Variants in TSC22D1 observed in about 807,000 individuals in gnomAD.
TSC22D1 encodes TSC22 domain family protein 1.
TSC22D1 carries 9 observed loss-of-function variants against 74.2 expected under a neutral mutation model. The ratio of observed to expected loss-of-function variants is 0.12; its 90% CI spans 0.07 to 0.21. TSC22D1 has a LOEUF of 0.21. Among genes scored for constraint, TSC22D1 ranks in the 10% least tolerant of loss-of-function variants. The pLI is 1.00. For missense variants in TSC22D1, 1,427 were observed against 1,304.7 expected (o/e 1.09, Z -1.44); for synonymous variants, 586 against 492.5 (o/e 1.19, Z -2.51).
In TSC22D1 at chr13:44,574,203, G is replaced by A; in HGVS notation, c.1872C>T (p.Pro624=). 1.2e-6 allele frequency: 2 copies of A among 1,614,258 alleles called. No individual in the cohort carries two copies. Among genetic ancestry groups the A allele is most frequent in the Non-Finnish European group, 1.7e-6 (2 of 1,180,050 alleles). The part of the protein sequence containing the change: ...VQTPLPGAPP[P]QQLQYGQQQP... ...GCTGTTGTCCATACTGTAACTGTTG[G>A]GGTGGTGGTGCCCCTGGAAGGGGAG... is the stretch of plus-strand genomic sequence containing the variant. Residue 624 remains proline (P), a synonymous_variant, in exon 1 of 3, where the codon CCC becomes CCT. Transcript: ENST00000458659.
intron 1 of TSC22D1, chr13:44,451,340 A>AG (rs1318231844): frequency 2.0e-5 from 3 of 152,210 alleles, no homozygotes; most frequent in Non-Finnish European, 4.4e-5. Context: ...GCCAAGAGGG[A>AG]GGGACGCGTG....
chr13:44,554,630 C>CAAAAAA (rs59922380), intron 1 of TSC22D1, among the ~76,000 whole-genome samples: 303 of 66,772 alleles, frequency 4.5e-3, no homozygotes, highest in East Asian at 0.012. Flanking sequence ...ATACCAGGAA[C>CAAAAAA]AAAAAAAAAA....
At chr13:44,511,517 G>A (rs186781721) in intron 1 of TSC22D1, among the ~76,000 whole-genome samples, 3 of 151,876 alleles carry the variant, frequency 2.0e-5, no homozygotes, top group African/African-American at 4.8e-5. Flanking sequence ...TTTATTTATC[G>A]CTAACATCTG....
chr13:44,484,538 T>C (rs564759975), intron 1 of TSC22D1, among the ~76,000 whole-genome samples: 1 of 152,332 alleles, frequency 6.6e-6, no homozygotes, highest in South Asian at 2.1e-4. Flanking sequence ...AGCTGTGTAT[T>C]ATTATCATGT....
At chr13:44,453,722 A>G (rs1876342666) in intron 1 of TSC22D1, among the ~76,000 whole-genome samples, 1 of 152,206 alleles carries the variant, frequency 6.6e-6, no homozygotes, top group Non-Finnish European at 1.5e-5. Context: ...TAAAAAACTG[A>G]CACCTGTCCT....
At chr13:44,504,034 T>C (rs937719787) in intron 1 of TSC22D1, among the ~76,000 whole-genome samples, 6 of 152,052 alleles carry the variant, frequency 3.9e-5, no homozygotes, top group Admixed American at 2.0e-4. Context: ...TCATGATTAC[T>C]TAATGGGAAT....
Position 44,574,489 on chromosome 13 carries a change from C to G in TSC22D1, c.1586G>C (p.Ser529Thr). The G allele has an allele frequency of 6.2e-7, 1 of 1,614,162 alleles. No homozygotes were observed. Among genetic ancestry groups the G allele is most frequent in the Non-Finnish European group, 8.5e-7 (1 of 1,180,026 alleles). ...CTGTGGTATACTAACTGCTGGAATA[C>G]TCTGTGGACCAGTGCTACCAAAATC... ...QMDFGSTGPQSIPAVSIPQSI... is the reference protein window; with the variant it reads ...QMDFGSTGPQTIPAVSIPQSI... The change falls in exon 1 of 3, where the codon AGT becomes ACT. Residue 529 changes from serine to threonine, a missense_variant. Transcript: ENST00000458659.
chr13:44,472,960 C>A (rs1234300710), intron 1 of TSC22D1, among the ~76,000 whole-genome samples: 1 of 152,128 alleles, frequency 6.6e-6, no homozygotes, highest in Non-Finnish European at 1.5e-5. Context: ...TGCAGTTCCA[C>A]GTGGCCAGGG....
chr13:44,446,690 C>T (rs1183047085), intron 1 of TSC22D1, among the ~76,000 whole-genome samples: 1 of 147,660 alleles, frequency 6.8e-6, no homozygotes, highest in African/African-American at 2.5e-5. Flanking sequence ...ATGTAATTTA[C>T]ATCTTAAAAA....
chr13:44,542,486 A>G (rs1479959740), intron 1 of TSC22D1, among the ~76,000 whole-genome samples: 2 of 152,096 alleles, frequency 1.3e-5, no homozygotes, highest in African/African-American at 4.8e-5. Flanking sequence ...GATTTAAAAA[A>G]CCAAATGTCC....
At chr13:44,570,554 C>CTATAA (rs1883692453) in intron 1 of TSC22D1, among the ~76,000 whole-genome samples, 2 of 152,030 alleles carry the variant, frequency 1.3e-5, no homozygotes, top group African/African-American at 4.8e-5. Context: ...ATCTTAGCAT[C>CTATAA]CTGATCCATG....
intron 1 of TSC22D1, among the ~76,000 whole-genome samples, chr13:44,484,190 A>G (rs766578321): frequency 5.1e-4 from 77 of 152,318 alleles, no homozygotes; most frequent in Non-Finnish European, 9.4e-4. Context: ...CCCTCAAAAC[A>G]AATAGTATCT....
chr13:44,573,764 C>G lies in TSC22D1; in HGVS notation c.2311G>C (p.Gly771Arg). 6.2e-7 allele frequency: 1 copy of G among 1,614,246 alleles called. No individual in the cohort carries two copies. The highest frequency in any genetic ancestry group is 8.5e-7 in the Non-Finnish European group (1 of 1,180,042). The change falls in exon 1 of 3, where the codon GGG (glycine) becomes CGG (arginine). Residue 771 changes from glycine to arginine, a missense_variant. Physicochemically the swap from Gly to Arg is moderately radical, Grantham distance 125. Transcript: ENST00000458659. ...SSQVVPPAQTGIIHQGVQTSA... is the reference protein window; with the variant it reads ...SSQVVPPAQTRIIHQGVQTSA... ...GTTTGAACTCCCTGATGAATAATCC[C>G]AGTTTGAGCAGGTGGAACCACTTGC...
intron 1 of TSC22D1, among the ~76,000 whole-genome samples, chr13:44,536,438 A>G (rs1881131932): frequency 6.6e-6 from 1 of 151,864 alleles, no homozygotes; most frequent in Admixed American, 6.5e-5. Flanking sequence ...ACAAGAATCA[A>G]TAAAACTAAA....
At chr13:44,471,764 T>C (rs1204827810) in intron 1 of TSC22D1, among the ~76,000 whole-genome samples, 2 of 152,228 alleles carry the variant, frequency 1.3e-5, no homozygotes, top group Admixed American at 6.5e-5. Context: ...TGAAAGCTTA[T>C]CCTGTGAAAA....
chr13:44,551,429 T>C (rs1254961142), intron 1 of TSC22D1, among the ~76,000 whole-genome samples: 2 of 150,634 alleles, frequency 1.3e-5, no homozygotes, highest in Admixed American at 6.6e-5. Flanking sequence ...TGTGTGTGTG[T>C]GTGTCTGAGA....
intron 1 of TSC22D1, among the ~76,000 whole-genome samples, chr13:44,447,833 C>CTTTTTTTTTTTTTT (rs5803260): frequency 7.7e-6 from 1 of 129,470 alleles, no homozygotes; most frequent in Non-Finnish European, 1.6e-5. Flanking sequence ...AATGCCTTTT[C>CTTTTTTTTTTTTTT]TTTTTTTTTT....
intron 1 of TSC22D1, among the ~76,000 whole-genome samples, chr13:44,547,369 A>G (rs1191164219): frequency 6.6e-6 from 1 of 152,146 alleles, no homozygotes; most frequent in Non-Finnish European, 1.5e-5. Context: ...GAGAACTTTA[A>G]TTCAGAAGAT....
intron 1 of TSC22D1, among the ~76,000 whole-genome samples, chr13:44,464,370 A>G (rs1221655519): frequency 1.3e-5 from 2 of 152,200 alleles, no homozygotes; most frequent in East Asian, 3.8e-4. Context: ...GTTTTACCGA[A>G]GTCATTCACT....
Sources: gnomAD v4.1 joint callset for allele counts (sites outside exome capture counted in the v4.1 genomes callset) on GRCh38, gnomAD v4.1.1 for gene constraint, MANE v1.5 for transcripts, NCBI Gene and HGNC (gene_info 2026-07-23, HGNC 2026-07-21) for gene names.